Variants in MAPT observed in about 807,000 individuals in gnomAD.
MAPT encodes microtubule associated protein tau, also known as microtubule-associated protein tau.
In MAPT, 34 loss-of-function variants were observed where a neutral mutation model predicts 67.9. That is an observed-to-expected ratio of 0.50 (90% confidence interval 0.38 to 0.67). The LOEUF is 0.67. MAPT is among the 30% of genes least tolerant of loss of function. MAPT has a pLI of 0.00. For missense variants in MAPT, 881 were observed against 1,115.2 expected, an observed-to-expected ratio of 0.79 and a Z score of 2.99; for synonymous variants, 456 against 464.5, an observed-to-expected ratio of 0.98 and a Z score of 0.23.
chr17:45,977,875 A>G (rs1374271533), intron 3 of MAPT: 2 of 165,252 alleles, frequency 1.2e-5, no homozygotes, highest in African/African-American at 2.4e-5. Flanking sequence ...ACAAACTAGT[A>G]TCTTCATCTT....
At chr17:45,983,999 C>T in intron 5 of MAPT, 69 bp downstream of exon 5, 2 of 1,357,576 alleles carry the variant, frequency 1.5e-6, no homozygotes, top group South Asian at 1.4e-5. Context: ...CGGGCACTGC[C>T]ACTGAGCTTC....
Position 45,897,761 on chromosome 17 carries a change from G to C in MAPT, c.-18+3075G>C, listed in dbSNP as rs543008879. ...GGTCCAGGCTGGAAGGGATGATGGGGGCTCCGACAGCGACTGCCTAGCTCA... is the reference window on the plus strand; with the variant it reads ...GGTCCAGGCTGGAAGGGATGATGGGCGCTCCGACAGCGACTGCCTAGCTCA... On this transcript the variant is annotated intron_variant, in intron 1 of 12. Transcript: ENST00000262410. This position sits in a 1 kb window ranked among gnomAD's most constrained non-coding sequence, Gnocchi z 5.0. The C allele has an allele frequency of 1.3e-5, 2 of 150,484 alleles. No homozygotes were observed. The highest frequency in any genetic ancestry group is 4.8e-5 in the African/African-American group (2 of 41,382). The allele number at this position is 150,484 out of a possible 1,614,324, so 9.3% of individuals were successfully genotyped here.
At chr17:45,993,679 G>T (rs991069025) in intron 8 of MAPT, among the ~76,000 whole-genome samples, 1 of 152,226 alleles carries the variant, frequency 6.6e-6, no homozygotes, top group Non-Finnish European at 1.5e-5. Context: ...CTCCCAAAGT[G>T]CTGGGATTAC....
At chr17:46,006,791 T>C (rs113316734) in intron 9 of MAPT, among the ~76,000 whole-genome samples, 21,879 of 151,670 alleles carry the variant, frequency 0.14, 2,133 homozygotes, top group Non-Finnish European at 0.22. Flanking sequence ...GGCATGGTGG[T>C]GGGCGCCTGT....
intron 6 of MAPT, among the ~76,000 whole-genome samples, chr17:45,989,380 G>A (rs2073871875): frequency 6.6e-6 from 1 of 152,186 alleles, no homozygotes; most frequent in Non-Finnish European, 1.5e-5. Context: ...GCCAGGCGCG[G>A]TGGCTCACGC....
intron 9 of MAPT, among the ~76,000 whole-genome samples, chr17:46,007,885 T>C (rs760169628): frequency 7.9e-5 from 12 of 152,130 alleles, no homozygotes; most frequent in African/African-American, 2.4e-4. Context: ...CAGAAAGAGG[T>C]TCATGGGAGG....
chr17:45,960,278 G>C (rs2070241316), intron 1 of MAPT, among the ~76,000 whole-genome samples: 1 of 152,254 alleles, frequency 6.6e-6, no homozygotes, highest in Non-Finnish European at 1.5e-5. Flanking sequence ...CTCTTCATCA[G>C]AGTCACCGTG....
intron 12 of MAPT, among the ~76,000 whole-genome samples, chr17:46,020,603 T>A (rs2076471921): frequency 6.6e-6 from 1 of 152,158 alleles, no homozygotes; most frequent in African/African-American, 2.4e-5. Context: ...CAGTTCCACG[T>A]GACTGGGGAG....
chr17:45,938,818 T>C (rs2067594824), intron 1 of MAPT, among the ~76,000 whole-genome samples: 1 of 147,716 alleles, frequency 6.8e-6, no homozygotes, highest in Non-Finnish European at 1.5e-5. Flanking sequence ...TAATTTTTTT[T>C]TTTTTTTTTT....
intron 5 of MAPT, among the ~76,000 whole-genome samples, chr17:45,985,041 C>T (rs978694983): frequency 5.3e-5 from 8 of 152,330 alleles, no homozygotes; most frequent in Middle Eastern, 6.8e-3. Context: ...CGATGGCTCA[C>T]GCCTGTAATC....
rs374004239 is a variant in MAPT at position 45,896,010 on chromosome 17, C to G, written c.-18+1324C>G. On this transcript the variant is annotated intron_variant, in intron 1 of 12. Coordinates refer to ENST00000262410, the MANE Select transcript of MAPT (RefSeq NM_001377265.1). This position sits in a 1 kb window ranked among gnomAD's most constrained non-coding sequence, Gnocchi z 5.6. Reference sequence around the variant, plus strand: ...GAGGTTACGTGATCTGCGCTCCCAGCCCTGGTTTCTGGCTTTTATTCTGAG... The same window carrying G: ...GAGGTTACGTGATCTGCGCTCCCAGGCCTGGTTTCTGGCTTTTATTCTGAG... 1 of 152,372 alleles carries G rather than the reference C, an allele frequency of 6.6e-6. No individual in the cohort carries two copies. The allele number at this position is 152,372 out of a possible 1,614,324, so 9.4% of individuals were successfully genotyped here. A position where few individuals can be genotyped will look rare whatever the true frequency, so the allele number is the denominator to read the frequency against.
intron 9 of MAPT, chr17:45,999,738 A>C: frequency 3.2e-6 from 4 of 1,261,384 alleles, no homozygotes; most frequent in Non-Finnish European, 4.4e-6. Context: ...AAATCTACTA[A>C]AGGGTTAAAG....
intron 10 of MAPT, among the ~76,000 whole-genome samples, chr17:46,013,725 C>A (rs149908640): frequency 6.6e-6 from 1 of 152,136 alleles, no homozygotes; most frequent in South Asian, 2.1e-4. Flanking sequence ...ATAAAGCCCA[C>A]GCATCGACCC....
chr17:45,963,643 C>T (rs1422517236), intron 2 of MAPT, among the ~76,000 whole-genome samples: 2 of 152,130 alleles, frequency 1.3e-5, no homozygotes, highest in African/African-American at 4.8e-5. Flanking sequence ...AAGAAAACAC[C>T]TTGCAGCCCA....
At chr17:45,989,147 G>C (rs1008860212) in intron 6 of MAPT, among the ~76,000 whole-genome samples, 2 of 152,120 alleles carry the variant, frequency 1.3e-5, no homozygotes. Flanking sequence ...GAATTGAGTA[G>C]AAAGTAAGGC....
At chr17:45,953,815 C>T (rs771031293) in intron 1 of MAPT, among the ~76,000 whole-genome samples, 8 of 152,114 alleles carry the variant, frequency 5.3e-5, no homozygotes, top group Non-Finnish European at 1.2e-4. Flanking sequence ...CGAGCATCCC[C>T]AGCCTCCAAA....
intron 9 of MAPT, among the ~76,000 whole-genome samples, chr17:46,003,363 C>T (rs548388356): frequency 3.9e-4 from 59 of 151,714 alleles, no homozygotes; most frequent in Non-Finnish European, 3.7e-4. Flanking sequence ...ACTGCAACCT[C>T]CGCCTCCCAG....
chr17:45,962,182 G>A lies in MAPT; in HGVS notation c.-17-139G>A, dbSNP rs570516239. 9.7e-4 allele frequency: 669 copies of A among 688,706 alleles called. 8 individuals are homozygous for A. The African/African-American group carries it at 0.011, about 11-fold the overall frequency. The allele number at this position is 688,706 out of a possible 1,614,324, so 42.7% of individuals were successfully genotyped here. On this transcript the variant is annotated intron_variant, in intron 1 of 12. Transcript: ENST00000262410. The stretch of plus-strand genomic sequence containing the variant: ...AATATGGAGCACGGGATGAGGATGG[G>A]CGGCCAACTGTTAGAGAGGGTAGCA...
chr17:45,983,266 T>G lies in MAPT; in HGVS notation c.687T>G (p.Pro229=). The G allele has an allele frequency of 6.3e-7, 1 of 1,597,682 alleles. No individual in the cohort carries two copies. The highest frequency in any genetic ancestry group is 1.1e-5 in the South Asian group (1 of 88,882). Residue 229 remains proline, a synonymous_variant, in exon 5 of 13, where the codon CCT becomes CCG. Transcript: ENST00000262410. ...GCCACCAGCTCATGTCCGGCATGCC[T>G]GGGGCTCCCCTCCTGCCTGAGGGCC... is the stretch of plus-strand genomic sequence containing the variant. ...GLSHQLMSGM[P]GAPLLPEGPR...
Sources: allele counts gnomAD v4.1 joint callset (sites outside exome capture counted in the v4.1 genomes callset), GRCh38; gene constraint gnomAD v4.1.1; non-coding constraint Gnocchi (gnomAD v3.1); transcripts MANE v1.5; gene names NCBI Gene and HGNC (gene_info 2026-07-23, HGNC 2026-07-21).